The following PIKFYVE variants were observed in gnomAD, a reference collection of about 807,000 sequenced individuals.
The protein encoded by PIKFYVE is phosphoinositide kinase, FYVE-type zinc finger containing.
A neutral mutation model predicts 257.9 loss-of-function variants in PIKFYVE; 122 were observed. The ratio of observed to expected loss-of-function variants is 0.47; its 90% CI spans 0.41 to 0.55. The LOEUF (loss-of-function observed/expected upper bound fraction) is 0.55, where lower values mean the gene tolerates loss of function less well. PIKFYVE is among the 20% of genes least tolerant of loss of function. PIKFYVE has a pLI of 0.00. For synonymous variants in PIKFYVE, 892 were observed against 868.9 expected (o/e 1.03, Z -0.47); for missense variants, 2,160 against 2,536.6 (o/e 0.85, Z 3.19).
intron 17 of PIKFYVE, among the ~76,000 whole-genome samples, chr2:208,320,597 C>T (rs1696097327): frequency 6.6e-6 from 1 of 152,142 alleles, no homozygotes. Context: ...TTTCCCTTTC[C>T]CACTTAATCC....
chr2:208,339,506 ACAGT>A lies in PIKFYVE; in HGVS notation c.4766_4769del (p.Ser1589TrpfsTer7). On this transcript the variant is annotated frameshift_variant, in exon 30 of 42. Coordinates refer to ENST00000264380, the MANE Select transcript of PIKFYVE (RefSeq NM_015040.4). LOFTEE classifies it high-confidence loss of function. ...CTACGCCACCTGAAGTCATGTCTGA[ACAGT>A]CAGTGGGAGGGCCCCCTGAGCTAGA... is the stretch of plus-strand genomic sequence containing the variant. 1 of 1,614,170 alleles carries A rather than the reference ACAGT, an allele frequency of 6.2e-7. No homozygotes were observed. The highest frequency in any genetic ancestry group is 8.5e-7 in the Non-Finnish European group (1 of 1,180,034).
At chr2:208,348,384 A>T (rs1699434441) in intron 35 of PIKFYVE, among the ~76,000 whole-genome samples, 2 of 152,124 alleles carry the variant, frequency 1.3e-5, no homozygotes, top group South Asian at 4.1e-4. Context: ...TACTCCCTCA[A>T]ATGTTTTCTT....
At chr2:208,302,187 C>T in intron 9 of PIKFYVE, 55 bp from the exon 10 acceptor site, 1 of 1,465,860 alleles carries the variant, frequency 6.8e-7, no homozygotes, top group South Asian at 1.1e-5. Context: ...TTATCTGGTA[C>T]TTAACTATTC....
At chr2:208,346,496 C>G (rs1486881253) in intron 34 of PIKFYVE, among the ~76,000 whole-genome samples, 2 of 152,190 alleles carry the variant, frequency 1.3e-5, no homozygotes, top group African/African-American at 2.4e-5. Flanking sequence ...ATTACTGGCA[C>G]TATGAAAATA....
intron 5 of PIKFYVE, among the ~76,000 whole-genome samples, chr2:208,279,806 A>G (rs1690575668): frequency 6.6e-6 from 1 of 152,046 alleles, no homozygotes; most frequent in African/African-American, 2.4e-5. Flanking sequence ...ACTGTAGCCT[A>G]TTCCTATGAA....
At chr2:208,284,175 C>A (rs1237070147) in intron 5 of PIKFYVE, among the ~76,000 whole-genome samples, 1 of 151,546 alleles carries the variant, frequency 6.6e-6, no homozygotes, top group African/African-American at 2.4e-5. Flanking sequence ...ATGAAAACTT[C>A]TATTTGGACA....
chr2:208,325,168 A>G (rs1696772597), intron 19 of PIKFYVE, 102 bp from the exon 20 acceptor site: 3 of 1,566,912 alleles, frequency 1.9e-6, no homozygotes, highest in Non-Finnish European at 2.6e-6. Flanking sequence ...TATTCATGTA[A>G]GAGTTTTTCT....
chr2:208,340,726 A>G (rs1281694473), intron 31 of PIKFYVE, among the ~76,000 whole-genome samples: 1 of 152,134 alleles, frequency 6.6e-6, no homozygotes, highest in Non-Finnish European at 1.5e-5. Flanking sequence ...TGACTTACAT[A>G]TTTATTCAAT....
intron 5 of PIKFYVE, among the ~76,000 whole-genome samples, chr2:208,279,706 TGTAA>T (rs10579453): frequency 0.96 from 146,056 of 152,164 alleles, 70,250 homozygotes; most frequent in East Asian, 1. Flanking sequence ...ATCAAATGTC[TGTAA>T]GTGTGTGATT....
At chr2:208,320,151 TTAG>T (rs1253184934) in intron 16 of PIKFYVE, 98 bp from the exon 17 acceptor site, 20 of 1,429,862 alleles carry the variant, frequency 1.4e-5, no homozygotes, top group Non-Finnish European at 1.9e-5. Flanking sequence ...ATACATTAAG[TTAG>T]TAGGAATTAT....
chr2:208,336,811 A>C (rs1436994838), intron 27 of PIKFYVE, 27 bp from the exon 28 acceptor site: 2 of 1,460,030 alleles, frequency 1.4e-6, no homozygotes, highest in Non-Finnish European at 1.9e-6. Context: ...AACCATATAT[A>C]TATATATTTT....
At chr2:208,282,814 T>G (rs543596377) in intron 5 of PIKFYVE, among the ~76,000 whole-genome samples, 1 of 152,104 alleles carries the variant, frequency 6.6e-6, no homozygotes, top group Non-Finnish European at 1.5e-5. Context: ...TGGCAGACAG[T>G]TTTTCCATGG....
At chr2:208,317,743 A>T (rs1245487953) in intron 15 of PIKFYVE, 124 bp from the exon 16 acceptor site, 5 of 894,028 alleles carry the variant, frequency 5.6e-6, no homozygotes, top group Middle Eastern at 3.2e-4. Flanking sequence ...ATTTCCTGAA[A>T]TTTTTTGTTC....
chr2:208,290,781 G>A (rs1487353711), intron 7 of PIKFYVE, among the ~76,000 whole-genome samples: 1 of 152,112 alleles, frequency 6.6e-6, no homozygotes, highest in East Asian at 1.9e-4. Context: ...CACATTTGGT[G>A]TTGTCAGTTT....
chr2:208,332,413 A>G (rs1697650596), intron 23 of PIKFYVE, among the ~76,000 whole-genome samples: 1 of 152,210 alleles, frequency 6.6e-6, no homozygotes, highest in Non-Finnish European at 1.5e-5. Context: ...AAAAATTATC[A>G]AAGATCATAT....
Position 208,340,666 on chromosome 2 carries a change from A to G in PIKFYVE, c.4931+535A>G, listed in dbSNP as rs150261708. Among the ~76,000 whole-genome samples the G allele has an allele frequency of 2.5e-3, 385 of 152,332 alleles. 1 individual carries two copies. The highest frequency in any genetic ancestry group is 8.9e-3 in the African/African-American group (368 of 41,566). On this transcript the variant is annotated intron_variant, in intron 31 of 41. Coordinates refer to ENST00000264380, the MANE Select transcript of PIKFYVE (RefSeq NM_015040.4). ...ATGCTGCCCTTGTTATGGAACAAGT[A>G]TATCCAAAAAGTGGACATTTTTGTT...
chr2:208,326,723 G>T (rs1696965794), intron 20 of PIKFYVE, among the ~76,000 whole-genome samples: 1 of 152,202 alleles, frequency 6.6e-6, no homozygotes, highest in East Asian at 1.9e-4. Flanking sequence ...CTGACAACAT[G>T]ACTTGGATGT....
Position 208,319,184 on chromosome 2 carries a change from C to T in PIKFYVE, c.2083-1068C>T, listed in dbSNP as rs17653688. On this transcript the variant is annotated intron_variant, in intron 16 of 41. Transcript: ENST00000264380. The stretch of plus-strand genomic sequence containing the variant: ...TAGCCTGAGCAACCAGATGGATGAA[C>T]TCTAGTCTTGTTTTCACTTTTTTTC... Among the ~76,000 whole-genome samples the T allele has an allele frequency of 9.2e-3, 1,406 of 152,266 alleles. 8 individuals are homozygous for T. The highest frequency in any genetic ancestry group is 0.014 in the Admixed American group (219 of 15,290).
At chr2:208,267,996 T>A (rs910115488) in intron 1 of PIKFYVE, among the ~76,000 whole-genome samples, 3 of 152,200 alleles carry the variant, frequency 2.0e-5, no homozygotes, top group African/African-American at 7.2e-5. Context: ...ATTAGTAGCC[T>A]TAATTAGAAA....
Sources: gnomAD v4.1 joint callset for allele counts (sites outside exome capture counted in the v4.1 genomes callset) on GRCh38, gnomAD v4.1.1 for gene constraint, MANE v1.5 for transcripts, NCBI Gene and HGNC (gene_info 2026-07-23, HGNC 2026-07-21) for gene names.